MYO1B: variants seen among roughly 807,000 people sequenced by gnomAD.
MYO1B encodes the protein myosin IB.
Under a neutral mutation model 159.7 loss-of-function variants are expected in MYO1B, and 72 were observed. The ratio of observed to expected loss-of-function variants is 0.45; its 90% CI spans 0.37 to 0.55. The LOEUF (loss-of-function observed/expected upper bound fraction) is 0.55, where lower values mean the gene tolerates loss of function less well. Among genes scored for constraint, MYO1B ranks in the 20% least tolerant of loss-of-function variants. The pLI is 0.00. For missense variants in MYO1B, 1,062 were observed against 1,364.8 expected, an observed-to-expected ratio of 0.78 and a Z score of 3.50; for synonymous variants, 468 against 473.8, an observed-to-expected ratio of 0.99 and a Z score of 0.16.
At chr2:191,407,792 A>G (rs575158949) in intron 24 of MYO1B, 1 of 169,870 alleles carries the variant, frequency 5.9e-6, no homozygotes, top group East Asian at 1.6e-4. Flanking sequence ...ATTATTTTAT[A>G]TAATTTTTAA....
intron 4 of MYO1B, among the ~76,000 whole-genome samples, chr2:191,334,313 C>G (rs1418540260): frequency 1.3e-5 from 2 of 152,070 alleles, no homozygotes; most frequent in Non-Finnish European, 2.9e-5. Flanking sequence ...GTTCTTAACA[C>G]TACTACTTCC....
intron 27 of MYO1B, among the ~76,000 whole-genome samples, 160 bp from the exon 28 acceptor site, chr2:191,413,888 C>T (rs555415900): frequency 6.6e-5 from 10 of 152,260 alleles, no homozygotes; most frequent in South Asian, 2.1e-4. Context: ...TCATTTCCAA[C>T]TTATATTTAG....
chr2:191,424,154 G>T lies in MYO1B; in HGVS notation c.*194G>T. The T allele has an allele frequency of 1.6e-6, 1 of 619,186 alleles. No individual in the cohort carries two copies. Among genetic ancestry groups the T allele is most frequent in the South Asian group, 2.6e-5 (1 of 38,588 alleles). 38.4% of individuals were successfully genotyped at this position (619,186 alleles called of 1,614,324 possible). On this transcript the variant is annotated 3_prime_UTR_variant, in exon 31 of 31. Transcript: ENST00000392318. ...CCTTTCAAATACATGTTCTGTCCTG[G>T]AGCAGGATTGTAGAAACTAACAGTG...
chr2:191,360,574 C>T, intron 7 of MYO1B, 57 bp from the exon 8 acceptor site: 1 of 1,057,990 alleles, frequency 9.5e-7, no homozygotes, highest in Non-Finnish European at 1.4e-6. Context: ...GGAAAAAAAG[C>T]ATGGTGGATT....
At chr2:191,357,414 T>C (rs1693372543) in intron 7 of MYO1B, among the ~76,000 whole-genome samples, 4 of 152,206 alleles carry the variant, frequency 2.6e-5, no homozygotes, top group Admixed American at 2.6e-4. Flanking sequence ...TCATTGTTTC[T>C]TTGTCCCTGC....
intron 15 of MYO1B, 89 bp from the exon 16 acceptor site, chr2:191,385,795 G>A: frequency 7.4e-7 from 1 of 1,345,356 alleles, no homozygotes; most frequent in Non-Finnish European, 1.0e-6. Flanking sequence ...TTGTGACTAA[G>A]TTGATTGTGT....
At position 191,329,868 on chromosome 2, in the gene MYO1B, GT is replaced by G. The variant is rs1691348513; in HGVS notation, c.252-65del. The G allele has an allele frequency of 2.9e-6, 4 of 1,379,742 alleles. No homozygotes were observed. In the African/African-American group the frequency reaches 5.8e-5, roughly 20 times the overall value. 85.5% of individuals were successfully genotyped at this position (1,379,742 alleles called of 1,614,324 possible). ...ACAGTGGCCCTTTAAGGAGCTTGTA[GT>G]TCCATCTGATAAACACATAATAATG... On this transcript the variant is annotated intron_variant, in intron 3 of 30. Transcript: ENST00000392318.
chr2:191,270,444 G>A (rs1216834894), intron 1 of MYO1B, among the ~76,000 whole-genome samples: 1 of 152,132 alleles, frequency 6.6e-6, no homozygotes, highest in Non-Finnish European at 1.5e-5. Context: ...AGAGGGTGAT[G>A]CAGGGAGGGG....
Position 191,346,231 on chromosome 2 carries a change from A to G in MYO1B, c.452-5A>G. On this transcript the variant is annotated splice_region_variant and splice_polypyrimidine_tract_variant and intron_variant, in intron 5 of 30. Coordinates refer to ENST00000392318, the MANE Select transcript of MYO1B (RefSeq NM_001130158.3). ...TTAACCATACATCTGTTTCTTTCCT[A>G]CTAGCTTTTGGAAATGCCAAAACTG... 1.3e-6 allele frequency: 2 copies of G among 1,561,982 alleles called. No homozygotes were observed. The highest frequency in any genetic ancestry group is 1.2e-5 in the South Asian group (1 of 82,576).
At chr2:191,293,546 G>A (rs1050704143) in intron 2 of MYO1B, among the ~76,000 whole-genome samples, 1 of 152,170 alleles carries the variant, frequency 6.6e-6, no homozygotes, top group African/African-American at 2.4e-5. Context: ...TCAATAAGGA[G>A]TGGATTATTC....
intron 1 of MYO1B, among the ~76,000 whole-genome samples, chr2:191,251,639 T>C (rs1347519869): frequency 6.6e-6 from 1 of 152,208 alleles, no homozygotes; most frequent in East Asian, 1.9e-4. Context: ...AATATAGTAA[T>C]GTATTTCAGA....
chr2:191,420,438 A>G (rs1382244235), intron 30 of MYO1B, among the ~76,000 whole-genome samples: 2 of 152,142 alleles, frequency 1.3e-5, no homozygotes, highest in Non-Finnish European at 1.5e-5. Flanking sequence ...CAAGTACACT[A>G]TTTTTTATCT....
chr2:191,295,393 A>G (rs948973606), intron 2 of MYO1B, among the ~76,000 whole-genome samples: 3 of 152,240 alleles, frequency 2.0e-5, no homozygotes, highest in African/African-American at 2.4e-5. Flanking sequence ...ATGCTAAAAT[A>G]TAGCACTGAT....
At chr2:191,325,493 C>T (rs1251580105) in intron 3 of MYO1B, among the ~76,000 whole-genome samples, 8 of 152,102 alleles carry the variant, frequency 5.3e-5, no homozygotes, top group Admixed American at 5.2e-4. Flanking sequence ...ACTACCAGTT[C>T]TCAGAATGGA....
chr2:191,339,652 C>T (rs540824720), intron 4 of MYO1B, among the ~76,000 whole-genome samples: 5 of 152,280 alleles, frequency 3.3e-5, no homozygotes, highest in African/African-American at 1.2e-4. Context: ...GAGAGAGTTA[C>T]CTCCAACCAT....
chr2:191,390,763 A>G (rs1695697641), intron 18 of MYO1B, among the ~76,000 whole-genome samples: 1 of 151,684 alleles, frequency 6.6e-6, no homozygotes, highest in African/African-American at 2.4e-5. Flanking sequence ...TGATACACTT[A>G]TATTTGTGTA....
At chr2:191,420,546 G>T (rs1310597913) in intron 30 of MYO1B, among the ~76,000 whole-genome samples, 1 of 152,294 alleles carries the variant, frequency 6.6e-6, no homozygotes, top group African/African-American at 2.4e-5. Context: ...ACACGCTGTA[G>T]CATCTAGGTT....
At chr2:191,246,142 C>G (rs1384157698) in intron 1 of MYO1B, 1 of 152,368 alleles carries the variant, frequency 6.6e-6, no homozygotes, top group Non-Finnish European at 1.5e-5. Flanking sequence ...GGCCTCCCTG[C>G]GCGTGCAGCT....
chr2:191,356,729 A>G (rs939524266), intron 7 of MYO1B, among the ~76,000 whole-genome samples: 4 of 152,166 alleles, frequency 2.6e-5, no homozygotes, highest in Non-Finnish European at 4.4e-5. Context: ...CATTAATTTT[A>G]TTTCAGGATT....
Sources: allele counts gnomAD v4.1 joint callset (sites outside exome capture counted in the v4.1 genomes callset), GRCh38; gene constraint gnomAD v4.1.1; transcripts MANE v1.5; gene names NCBI Gene and HGNC (gene_info 2026-07-23, HGNC 2026-07-21).